Variants in MRAS observed in about 807,000 individuals in gnomAD.
The protein encoded by MRAS is muscle RAS oncogene homolog.
MRAS carries 4 observed loss-of-function variants against 20.9 expected under a neutral mutation model. The ratio of observed to expected loss-of-function variants is 0.19; its 90% CI spans 0.09 to 0.44. The LOEUF (loss-of-function observed/expected upper bound fraction) is 0.44. MRAS is among the 20% of genes least tolerant of loss of function. MRAS has a pLI of 0.99. For synonymous variants in MRAS, 98 were observed against 102.9 expected, an observed-to-expected ratio of 0.95 and a Z score of 0.29; for missense variants, 154 against 277.5, an observed-to-expected ratio of 0.56 and a Z score of 3.16.
At chr3:138,375,274 T>C (rs1421214496) in intron 2 of MRAS, among the ~76,000 whole-genome samples, 1 of 152,244 alleles carries the variant, frequency 6.6e-6, no homozygotes, top group Non-Finnish European at 1.5e-5. Flanking sequence ...ATTGTTGGCT[T>C]TGATTTGCTA....
chr3:138,356,945 C>T (rs2054348178), intron 1 of MRAS, among the ~76,000 whole-genome samples: 1 of 152,208 alleles, frequency 6.6e-6, no homozygotes, highest in African/African-American at 2.4e-5. Context: ...ATCCACTAAT[C>T]TGGGGCTGGG....
intron 2 of MRAS, among the ~76,000 whole-genome samples, chr3:138,388,940 C>T (rs2055071997): frequency 6.6e-6 from 1 of 151,950 alleles, no homozygotes; most frequent in Non-Finnish European, 1.5e-5. Flanking sequence ...CTCCCAGGTT[C>T]AAGCGATTCT....
At chr3:138,401,141 T>A (rs950988310) in intron 5 of MRAS, among the ~76,000 whole-genome samples, 1 of 152,208 alleles carries the variant, frequency 6.6e-6, no homozygotes, top group South Asian at 2.1e-4. Flanking sequence ...TCTTGTATAT[T>A]CCTTTGCATG....
rs181883723 is a variant in MRAS at position 138,350,619 on chromosome 3, G to T, written c.-19+1852G>T. Among the ~76,000 whole-genome samples the T allele has an allele frequency of 2.6e-5, 4 of 152,312 alleles. No homozygotes were observed. In the East Asian group the frequency reaches 5.8e-4, roughly 22 times the overall value. On this transcript the variant is annotated intron_variant, in intron 1 of 5. Coordinates refer to ENST00000423968, the MANE Select transcript of MRAS (RefSeq NM_001085049.3). ...CGTTGTCAGCTTCGCTCCTCCATAA[G>T]ACAGTTGCTAATTTCCACCTCTGTT...
rs969101151 is a variant in MRAS at position 138,402,275 on chromosome 3, C to G, written c.*6C>G. On this transcript the variant is annotated 3_prime_UTR_variant, in exon 6 of 6. Coordinates refer to ENST00000423968, the MANE Select transcript of MRAS (RefSeq NM_001085049.3). ...TGCAATGTGTGATCTTGTGACAGGCCTGAGGCCCTGGGCACAGTGACGGTG... is the reference window on the plus strand; with the variant it reads ...TGCAATGTGTGATCTTGTGACAGGCGTGAGGCCCTGGGCACAGTGACGGTG... The G allele has an allele frequency of 7.4e-6, 12 of 1,613,204 alleles. No individual in the cohort carries two copies. The highest frequency in any genetic ancestry group is 1.0e-5 in the Non-Finnish European group (12 of 1,179,284).
chr3:138,397,467 G>A lies in MRAS; in HGVS notation c.337G>A (p.Val113Ile). 2 of 1,614,068 alleles carry A rather than the reference G, an allele frequency of 1.2e-6. No homozygotes were observed. Among genetic ancestry groups the A allele is most frequent in the African/African-American group, 1.3e-5 (1 of 75,042 alleles). The change falls in exon 3 of 6, where the codon GTC (valine) becomes ATC (isoleucine). Residue 113 changes from valine (V) to isoleucine (I), a missense_variant. By Grantham distance (29) the Val-to-Ile change is conservative. Coordinates refer to ENST00000423968, the MANE Select transcript of MRAS (RefSeq NM_001085049.3). ...CCGCTTCCACCAGCTTATCCTGCGC[G>A]TCAAAGACAGGTGAGCATCAAAGAC... ...VDRFHQLILR[V>I]KDRESFPMIL...
chr3:138,354,926 A>G (rs537868902), intron 1 of MRAS, among the ~76,000 whole-genome samples: 3 of 152,166 alleles, frequency 2.0e-5, no homozygotes, highest in Non-Finnish European at 2.9e-5. Flanking sequence ...GACTATAGGC[A>G]TGTGCCACCA....
At chr3:138,397,581 T>A in intron 3 of MRAS, 104 bp downstream of exon 3, 1 of 1,369,566 alleles carries the variant, frequency 7.3e-7, no homozygotes, top group East Asian at 2.4e-5. Context: ...CACCCCTAAT[T>A]AAAGGCGTGG....
intron 2 of MRAS, among the ~76,000 whole-genome samples, chr3:138,394,679 C>G (rs938654657): frequency 6.6e-6 from 1 of 152,162 alleles, no homozygotes; most frequent in Admixed American, 6.5e-5. Flanking sequence ...AAAACTGAGT[C>G]CCCCAAACCC....
chr3:138,350,981 C>T (rs1037163552), intron 1 of MRAS, among the ~76,000 whole-genome samples: 4 of 151,636 alleles, frequency 2.6e-5, no homozygotes, highest in African/African-American at 4.9e-5. Context: ...AGTCAGTTAC[C>T]CTTGGGGTTG....
At chr3:138,366,516 C>G (rs2054563060) in intron 1 of MRAS, among the ~76,000 whole-genome samples, 1 of 152,196 alleles carries the variant, frequency 6.6e-6, no homozygotes, top group South Asian at 2.1e-4. Flanking sequence ...TTGGCAGCAT[C>G]TTTGGGAGAG....
chr3:138,356,676 G>A (rs776751849), intron 1 of MRAS, among the ~76,000 whole-genome samples: 35 of 152,314 alleles, frequency 2.3e-4, no homozygotes, highest in East Asian at 5.8e-4. Flanking sequence ...ACTTGGGGGC[G>A]TATATTTTTA....
At chr3:138,388,906 G>T (rs1370263037) in intron 2 of MRAS, among the ~76,000 whole-genome samples, 3 of 151,374 alleles carry the variant, frequency 2.0e-5, no homozygotes, top group Non-Finnish European at 4.4e-5. Flanking sequence ...CAGTGGCGCA[G>T]TCTCGGCTCA....
chr3:138,383,945 G>A (rs1205852665), intron 2 of MRAS, among the ~76,000 whole-genome samples: 1 of 152,198 alleles, frequency 6.6e-6, no homozygotes, highest in Non-Finnish European at 1.5e-5. Context: ...CCTGATAAGG[G>A]AATGTTGGAG....
intron 2 of MRAS, among the ~76,000 whole-genome samples, chr3:138,395,424 C>T (rs546829082): frequency 1.3e-5 from 2 of 152,218 alleles, no homozygotes; most frequent in South Asian, 2.1e-4. Context: ...GCAGGCCCCA[C>T]CATCTGCCCC....
intron 1 of MRAS, among the ~76,000 whole-genome samples, chr3:138,368,590 TCC>T (rs1487831114): frequency 6.6e-6 from 1 of 152,126 alleles, no homozygotes; most frequent in Non-Finnish European, 1.5e-5. Flanking sequence ...TATACCACCT[TCC>T]CACCTCAAAG....
At chr3:138,393,360 T>A (rs1443764122) in intron 2 of MRAS, among the ~76,000 whole-genome samples, 1 of 152,188 alleles carries the variant, frequency 6.6e-6, no homozygotes, top group Non-Finnish European at 1.5e-5. Flanking sequence ...CTTACTGCAC[T>A]GGCCTTAAAC....
At chr3:138,368,441 T>C (rs2054607733) in intron 1 of MRAS, among the ~76,000 whole-genome samples, 1 of 152,070 alleles carries the variant, frequency 6.6e-6, no homozygotes, top group Admixed American at 6.6e-5. Flanking sequence ...AAAGTATGAG[T>C]CTCCAACTAA....
At position 138,403,712 on chromosome 3, in the gene MRAS, CAGGA is replaced by C. The variant is rs1349279898; in HGVS notation, c.*1445_*1448del. ...AGCTGGGGTGGGAGTGGAGAGACAA[CAGGA>C]ACAACGCTGCACCAAAGAAAAGGTC... On this transcript the variant is annotated 3_prime_UTR_variant, in exon 6 of 6. Coordinates refer to ENST00000423968, the MANE Select transcript of MRAS (RefSeq NM_001085049.3). 2.6e-5 allele frequency: 4 copies of C among 152,780 alleles called. No homozygotes were observed. The highest frequency in any genetic ancestry group is 4.1e-4 in the South Asian group (2 of 4,828). The allele number at this position is 152,780 out of a possible 1,614,324, so 9.5% of individuals were successfully genotyped here.
Sources: gnomAD v4.1 joint callset for allele counts (sites outside exome capture counted in the v4.1 genomes callset) on GRCh38, gnomAD v4.1.1 for gene constraint, MANE v1.5 for transcripts, NCBI Gene and HGNC (gene_info 2026-07-23, HGNC 2026-07-21) for gene names.